The following TMEM131L variants were observed in gnomAD, a reference collection of about 807,000 sequenced individuals.
TMEM131L encodes the protein transmembrane 131 like.
Under a neutral mutation model 192.2 loss-of-function variants are expected in TMEM131L, and 54 were observed. The ratio of observed to expected loss-of-function variants is 0.28; its 90% CI spans 0.23 to 0.35. TMEM131L has a LOEUF of 0.35. Among genes scored for constraint, TMEM131L ranks in the 10% least tolerant of loss-of-function variants. The probability of loss-of-function intolerance (pLI) is 1.00; values close to 1 mark genes in which losing one functional copy is unlikely to be tolerated. For missense variants in TMEM131L, 1,888 were observed against 1,972.9 expected (o/e 0.96, Z 0.82); for synonymous variants, 701 against 704.9 (o/e 0.99, Z 0.09).
intron 10 of TMEM131L, 32 bp from the exon 11 acceptor site, chr4:153,583,532 A>T: frequency 7.4e-7 from 1 of 1,353,424 alleles, no homozygotes; most frequent in Non-Finnish European, 1.1e-6. Context: ...CCCAGCTGAG[A>T]GTAGTCACAT....
At chr4:153,562,279 G>T (rs913035070) in intron 7 of TMEM131L, among the ~76,000 whole-genome samples, 1 of 151,978 alleles carries the variant, frequency 6.6e-6, no homozygotes, top group Non-Finnish European at 1.5e-5. Flanking sequence ...CTCGTGATCC[G>T]CCCACCTCGG....
At chr4:153,620,298 T>G (rs1238867829) in intron 26 of TMEM131L, among the ~76,000 whole-genome samples, 1 of 152,256 alleles carries the variant, frequency 6.6e-6, no homozygotes, top group Non-Finnish European at 1.5e-5. Flanking sequence ...TACACTAGTT[T>G]GGAGCATTCT....
chr4:153,609,448 TG>T (rs1167566060), intron 25 of TMEM131L, among the ~76,000 whole-genome samples: 1 of 152,180 alleles, frequency 6.6e-6, no homozygotes, highest in Non-Finnish European at 1.5e-5. Context: ...ACATGAGATT[TG>T]GGTGGGGACA....
intron 3 of TMEM131L, among the ~76,000 whole-genome samples, chr4:153,519,125 C>T (rs1734935818): frequency 6.6e-6 from 1 of 152,114 alleles, no homozygotes; most frequent in Non-Finnish European, 1.5e-5. Flanking sequence ...CCTTAGGGGA[C>T]ATGAGAAGTC....
chr4:153,500,637 T>G (rs569260148), intron 3 of TMEM131L, among the ~76,000 whole-genome samples: 2 of 152,344 alleles, frequency 1.3e-5, no homozygotes, highest in South Asian at 4.1e-4. Context: ...TCCGTCATCT[T>G]CTTTTTATTT....
intron 3 of TMEM131L, among the ~76,000 whole-genome samples, chr4:153,483,745 C>T (rs1450265207): frequency 6.6e-6 from 1 of 152,042 alleles, no homozygotes; most frequent in Non-Finnish European, 1.5e-5. Flanking sequence ...GAAGGTATTG[C>T]TGTGTAAGAA....
intron 26 of TMEM131L, among the ~76,000 whole-genome samples, chr4:153,618,521 C>CAAT (rs900138727): frequency 6.7e-6 from 1 of 149,088 alleles, no homozygotes; most frequent in East Asian, 2.0e-4. Context: ...CCAAATAACT[C>CAAT]AATAATAATG....
chr4:153,594,497 T>C (rs1220014467), intron 19 of TMEM131L, among the ~76,000 whole-genome samples: 1 of 152,216 alleles, frequency 6.6e-6, no homozygotes, highest in Non-Finnish European at 1.5e-5. Context: ...AGTGTTGGCC[T>C]TACAGGTATT....
intron 4 of TMEM131L, among the ~76,000 whole-genome samples, chr4:153,553,605 G>A (rs752054423): frequency 6.6e-6 from 1 of 152,062 alleles, no homozygotes; most frequent in Non-Finnish European, 1.5e-5. Flanking sequence ...TGATTTCTTC[G>A]CTGTCCCAGT....
chr4:153,511,735 T>G (rs1462218035), intron 3 of TMEM131L, among the ~76,000 whole-genome samples: 1 of 152,218 alleles, frequency 6.6e-6, no homozygotes, highest in African/African-American at 2.4e-5. Flanking sequence ...TAATAGATTT[T>G]GTGCTGAATC....
At chr4:153,478,688 A>G (rs1731718696) in intron 3 of TMEM131L, among the ~76,000 whole-genome samples, 2 of 152,146 alleles carry the variant, frequency 1.3e-5, no homozygotes, top group Non-Finnish European at 1.5e-5. Context: ...GTCGGTTCTC[A>G]TTTATTTATA....
chr4:153,506,054 G>C (rs1286174483), intron 3 of TMEM131L, among the ~76,000 whole-genome samples: 3 of 152,116 alleles, frequency 2.0e-5, no homozygotes, highest in African/African-American at 7.2e-5. Context: ...AACTAACTTA[G>C]GTATAATTGC....
chr4:153,622,966 G>A lies in TMEM131L; in HGVS notation c.3928G>A (p.Gly1310Arg), dbSNP rs985296225. The A allele has an allele frequency of 3.1e-6, 5 of 1,614,240 alleles. No individual in the cohort carries two copies. Among genetic ancestry groups the A allele is most frequent in the Non-Finnish European group, 4.2e-6 (5 of 1,180,038 alleles). ...KFCSDSSSDC[G>R]SSSGSVRASR... ...CTGCTCCGATTCCAGCTCTGACTGT[G>A]GGAGCTCCTCTGGCAGCGTGCGTGC... The change falls in exon 29 of 35, where the codon GGG (glycine) becomes AGG (arginine). Residue 1310 changes from glycine (G) to arginine (R), a missense_variant. Gly to Arg is a moderately radical substitution (Grantham distance 125). Coordinates refer to ENST00000409959, the MANE Select transcript of TMEM131L (RefSeq NM_001131007.2).
intron 1 of TMEM131L, among the ~76,000 whole-genome samples, chr4:153,467,002 G>C (rs1001925194): frequency 3.3e-5 from 5 of 152,046 alleles, no homozygotes; most frequent in African/African-American, 1.2e-4. Context: ...CTGCCTGCAC[G>C]CTGTCGCCTT....
chr4:153,516,805 A>G (rs111842950), intron 3 of TMEM131L, among the ~76,000 whole-genome samples: 1 of 152,088 alleles, frequency 6.6e-6, no homozygotes, highest in African/African-American at 2.4e-5. Flanking sequence ...CTTTTTGTTC[A>G]TCTTTTAAAT....
At chr4:153,475,499 TG>T (rs1024018963) in intron 3 of TMEM131L, among the ~76,000 whole-genome samples, 1 of 152,148 alleles carries the variant, frequency 6.6e-6, no homozygotes, top group African/African-American at 2.4e-5. Flanking sequence ...ATCAACCAGT[TG>T]GGGGGAAAAT....
intron 16 of TMEM131L, among the ~76,000 whole-genome samples, chr4:153,590,326 A>C (rs1193969906): frequency 1.3e-5 from 2 of 152,210 alleles, no homozygotes; most frequent in Non-Finnish European, 2.9e-5. Flanking sequence ...TGTTTCTGGC[A>C]AGAATATGAG....
intron 2 of TMEM131L, among the ~76,000 whole-genome samples, chr4:153,467,715 C>G (rs1389448287): frequency 6.6e-6 from 1 of 152,204 alleles, no homozygotes; most frequent in Non-Finnish European, 1.5e-5. Context: ...ATGTGACTCT[C>G]AAGGATTGTC....
chr4:153,473,735 T>G, intron 2 of TMEM131L, 110 bp from the exon 3 acceptor site: 1 of 795,020 alleles, frequency 1.3e-6, no homozygotes. Flanking sequence ...GAGGTTGCAG[T>G]GAGCCGAGAC....
Sources: allele counts gnomAD v4.1 joint callset (sites outside exome capture counted in the v4.1 genomes callset), GRCh38; gene constraint gnomAD v4.1.1; transcripts MANE v1.5; gene names NCBI Gene and HGNC (gene_info 2026-07-23, HGNC 2026-07-21).